The following SMURF2 variants were observed in gnomAD, a reference collection of about 807,000 sequenced individuals.
SMURF2 encodes the protein SMAD specific E3 ubiquitin protein ligase 2.
SMURF2 carries 48 observed loss-of-function variants against 109.6 expected under a neutral mutation model. That is an observed-to-expected ratio of 0.44 (90% CI 0.35 to 0.56). The LOEUF (loss-of-function observed/expected upper bound fraction) is 0.56. Among genes scored for constraint, SMURF2 ranks in the 20% least tolerant of loss-of-function variants. SMURF2 has a pLI of 0.01. For missense variants in SMURF2, 575 were observed against 909.0 expected (o/e 0.63, Z 4.72); for synonymous variants, 288 against 317.1 (o/e 0.91, Z 0.97).
intron 1 of SMURF2, among the ~76,000 whole-genome samples, chr17:64,652,634 C>A (rs1449528594): frequency 1.3e-5 from 2 of 152,176 alleles, no homozygotes; most frequent in East Asian, 1.9e-4. Flanking sequence ...ATGACAGGCA[C>A]CTGCCACACA....
chr17:64,660,753 A>G (rs1970764074), intron 1 of SMURF2: 1 of 152,208 alleles, frequency 6.6e-6, no homozygotes, highest in Non-Finnish European at 1.5e-5. Context: ...TCACCCGAAT[A>G]CAAACGTGGA....
Position 64,562,800 on chromosome 17 carries a change from T to G in SMURF2, c.1183A>C (p.Ile395Leu). ...AAAATCTCTTCCCTGGAAACCTCAA[T>G]GCGGCAATGACCTGCCTGAGGCTGT... is the stretch of plus-strand genomic sequence containing the variant. Reference protein sequence around the residue: ...QQQPQAGHCRIEVSREEIFEE... With the variant: ...QQQPQAGHCRLEVSREEIFEE... Residue 395 changes from isoleucine (I) to leucine (L), a missense_variant, in exon 11 of 19, where the codon ATT becomes CTT. Ile to Leu is a conservative substitution (Grantham distance 5). Coordinates refer to ENST00000262435, the MANE Select transcript of SMURF2 (RefSeq NM_022739.4). The G allele has an allele frequency of 6.2e-7, 1 of 1,614,048 alleles. No homozygotes were observed. Among genetic ancestry groups the G allele is most frequent in the Non-Finnish European group, 8.5e-7 (1 of 1,179,982 alleles).
intron 6 of SMURF2, among the ~76,000 whole-genome samples, chr17:64,585,720 T>A (rs1969642544): frequency 6.6e-6 from 1 of 152,234 alleles, no homozygotes; most frequent in African/African-American, 2.4e-5. Context: ...TTACACAAAT[T>A]ATCCATCCCA....
intron 1 of SMURF2, among the ~76,000 whole-genome samples, chr17:64,610,936 C>T (rs1287737041): frequency 6.6e-6 from 1 of 152,116 alleles, no homozygotes; most frequent in Non-Finnish European, 1.5e-5. Context: ...TTCTTTATGG[C>T]ACTTGACCCC....
chr17:64,594,909 GA>G (rs1367243532), intron 3 of SMURF2, among the ~76,000 whole-genome samples: 1 of 152,084 alleles, frequency 6.6e-6, no homozygotes, highest in East Asian at 1.9e-4. Flanking sequence ...AGAATCACTT[GA>G]ACCCGGGAGG....
At chr17:64,640,247 T>C (rs1252766158) in intron 1 of SMURF2, among the ~76,000 whole-genome samples, 1 of 152,174 alleles carries the variant, frequency 6.6e-6, no homozygotes, top group African/African-American at 2.4e-5. Context: ...GGAGGTAGCA[T>C]AATGAGAGTA....
At chr17:64,590,173 G>A (rs1488977906) in intron 5 of SMURF2, among the ~76,000 whole-genome samples, 1 of 135,182 alleles carries the variant, frequency 7.4e-6, no homozygotes, top group Non-Finnish European at 1.5e-5. Flanking sequence ...ACAGGGTCTT[G>A]CTCTTGTCAC....
intron 1 of SMURF2, among the ~76,000 whole-genome samples, chr17:64,643,057 C>T (rs1210020585): frequency 2.0e-5 from 3 of 152,130 alleles, no homozygotes; most frequent in South Asian, 2.1e-4. Flanking sequence ...TAGGTTCTCG[C>T]TCTATCACCT....
chr17:64,570,612 G>A (rs1555685469), intron 10 of SMURF2, among the ~76,000 whole-genome samples: 1 of 152,142 alleles, frequency 6.6e-6, no homozygotes, highest in African/African-American at 2.4e-5. Context: ...TCAGTATAGT[G>A]CCTCACAGGC....
At chr17:64,634,354 C>T (rs1555691895) in intron 1 of SMURF2, among the ~76,000 whole-genome samples, 1 of 152,118 alleles carries the variant, frequency 6.6e-6, no homozygotes, top group Non-Finnish European at 1.5e-5. Context: ...AAATCTTTGA[C>T]TTTTTTGTGA....
chr17:64,577,038 T>G (rs1029560299), intron 9 of SMURF2, among the ~76,000 whole-genome samples: 1 of 151,992 alleles, frequency 6.6e-6, no homozygotes, highest in African/African-American at 2.4e-5. Context: ...AATGGGGTCT[T>G]GCCCCAGCCA....
intron 1 of SMURF2, among the ~76,000 whole-genome samples, chr17:64,623,425 C>T (rs747566545): frequency 1.8e-4 from 28 of 152,168 alleles, no homozygotes; most frequent in Admixed American, 1.8e-3. Context: ...CATAACATAA[C>T]TCATCATTCC....
chr17:64,599,160 C>T (rs1969858997), intron 2 of SMURF2, among the ~76,000 whole-genome samples: 1 of 152,100 alleles, frequency 6.6e-6, no homozygotes, highest in African/African-American at 2.4e-5. Flanking sequence ...ATCCTTAATC[C>T]TTACAATAAC....
chr17:64,566,496 C>A (rs1178960924), intron 10 of SMURF2, among the ~76,000 whole-genome samples: 1 of 145,180 alleles, frequency 6.9e-6, no homozygotes, highest in Non-Finnish European at 1.5e-5. Flanking sequence ...GAAATCCTGT[C>A]CTTAAGAAGA....
chr17:64,571,064 G>A (rs139337727), intron 10 of SMURF2, among the ~76,000 whole-genome samples: 42 of 152,204 alleles, frequency 2.8e-4, no homozygotes, highest in Admixed American at 8.5e-4. Context: ...ATTACAGCAT[G>A]AGCCACATGC....
At chr17:64,586,842 G>C (rs1555687148) in intron 5 of SMURF2, among the ~76,000 whole-genome samples, 2 of 146,136 alleles carry the variant, frequency 1.4e-5, no homozygotes, top group Non-Finnish European at 3.0e-5. Context: ...ATATTAATTT[G>C]ACTTTAATAC....
At chr17:64,648,056 C>T (rs1568209932) in intron 1 of SMURF2, among the ~76,000 whole-genome samples, 1 of 50,292 alleles carries the variant, frequency 2.0e-5, no homozygotes, top group Non-Finnish European at 3.3e-5. Context: ...GACCCTATCT[C>T]TTAAAAAAAA....
intron 9 of SMURF2, among the ~76,000 whole-genome samples, chr17:64,572,259 G>T (rs1407453728): frequency 2.6e-5 from 4 of 152,096 alleles, no homozygotes; most frequent in Non-Finnish European, 4.4e-5. Context: ...AACATAAACT[G>T]TATTTCAACA....
intron 1 of SMURF2, among the ~76,000 whole-genome samples, chr17:64,661,365 C>T (rs984876753): frequency 2.3e-4 from 35 of 152,080 alleles, no homozygotes; most frequent in Non-Finnish European, 2.9e-5. Context: ...AAGGTAACAA[C>T]CCGGGAACAC....
Sources: allele counts gnomAD v4.1 joint callset (sites outside exome capture counted in the v4.1 genomes callset), GRCh38; gene constraint gnomAD v4.1.1; transcripts MANE v1.5; gene names NCBI Gene and HGNC (gene_info 2026-07-23, HGNC 2026-07-21).